The following RHEB variants were observed in gnomAD, a reference collection of about 807,000 sequenced individuals.
RHEB encodes the protein GTP-binding protein Rheb.
A neutral mutation model predicts 28.8 loss-of-function variants in RHEB; 2 were observed. The observed-to-expected ratio is 0.07, with a 90% CI of 0.03 to 0.22. RHEB has a LOEUF of 0.22. Ranked by LOEUF, RHEB falls within the 10% of genes least tolerant of loss-of-function variation. The pLI, the probability that RHEB is intolerant of heterozygous loss-of-function variation, is 1.00. For missense variants in RHEB, 76 were observed against 219.9 expected, an observed-to-expected ratio of 0.35 and a Z score of 4.14; for synonymous variants, 69 against 77.3, an observed-to-expected ratio of 0.89 and a Z score of 0.56.
chr7:151,515,004 A>C (rs941144021), intron 1 of RHEB, among the ~76,000 whole-genome samples: 1 of 151,762 alleles, frequency 6.6e-6, no homozygotes, highest in Non-Finnish European at 1.5e-5. Flanking sequence ...GCTCCACTGC[A>C]CTCCAGCCTG....
chr7:151,483,960 T>A (rs570659571), intron 3 of RHEB, among the ~76,000 whole-genome samples: 2 of 152,316 alleles, frequency 1.3e-5, no homozygotes, highest in Admixed American at 6.5e-5. Context: ...TTAACCGACA[T>A]GTGAATATCC....
chr7:151,489,330 A>G (rs554768907), intron 2 of RHEB, among the ~76,000 whole-genome samples: 1 of 152,194 alleles, frequency 6.6e-6, no homozygotes, highest in African/African-American at 2.4e-5. Context: ...TTCATCCAGC[A>G]CTCACATTAA....
chr7:151,484,873 A>G (rs1440369995), intron 2 of RHEB, 69 bp from the exon 3 acceptor site: 9 of 1,023,248 alleles, frequency 8.8e-6, no homozygotes, highest in East Asian at 2.4e-5. Flanking sequence ...AGTTTGAACA[A>G]TGACAACCAA....
intron 1 of RHEB, among the ~76,000 whole-genome samples, chr7:151,506,389 A>C (rs1802880553): frequency 6.6e-6 from 1 of 152,042 alleles, no homozygotes; most frequent in African/African-American, 2.4e-5. Context: ...GATGGTGGTT[A>C]TTAGCTATGT....
chr7:151,467,500 C>G (rs958940317), intron 7 of RHEB, among the ~76,000 whole-genome samples: 2 of 140,178 alleles, frequency 1.4e-5, no homozygotes, highest in African/African-American at 5.4e-5. Flanking sequence ...CATCTCCTGT[C>G]CCACTCCACC....
chr7:151,492,805 CA>C (rs1418015907), intron 1 of RHEB, among the ~76,000 whole-genome samples: 3 of 151,338 alleles, frequency 2.0e-5, no homozygotes, highest in South Asian at 2.1e-4. Context: ...TCTCTGCTTC[CA>C]ATCCTCATTG....
rs570682707 is a variant in RHEB, at chr7:151,483,701, ACT to A, written c.192+1034_192+1035del. 6.6e-5 allele frequency among the ~76,000 whole-genome samples: 10 copies of A among 151,950 alleles called. No homozygotes were observed. The East Asian group carries it at 1.2e-3, about 18-fold the overall frequency. On this transcript the variant is annotated intron_variant, in intron 3 of 7. Transcript: ENST00000262187. ...CTTCCAGCCTGGGTGACAGAGCAAGACTCTGTCTCAAAAAAATGTTGCAAGGG... is the reference window on the plus strand; with the variant it reads ...CTTCCAGCCTGGGTGACAGAGCAAGACTGTCTCAAAAAAATGTTGCAAGGG...
chr7:151,483,274 A>AGAGG (rs1802410111), intron 3 of RHEB, among the ~76,000 whole-genome samples: 1 of 152,366 alleles, frequency 6.6e-6, no homozygotes, highest in Non-Finnish European at 1.5e-5. Context: ...AATGCAAAGC[A>AGAGG]GAGGGAATTC....
rs189517204 is a variant in RHEB at position 151,483,549 on chromosome 7, C to T, written c.192+1188G>A. Among the ~76,000 whole-genome samples, 13 of 152,244 alleles carry T rather than the reference C, an allele frequency of 8.5e-5. No individual in the cohort carries two copies. The East Asian group carries it at 2.3e-3, about 27-fold the overall frequency. Reference sequence around the variant, plus strand: ...GCCAGGCCAATATGGCGAAACCCCGCCTCTACTAAAAATACAAAATTAGCC... The same window carrying T: ...GCCAGGCCAATATGGCGAAACCCCGTCTCTACTAAAAATACAAAATTAGCC... On this transcript the variant is annotated intron_variant, in intron 3 of 7. Transcript: ENST00000262187.
At chr7:151,500,317 A>T (rs1416414956) in intron 1 of RHEB, among the ~76,000 whole-genome samples, 1 of 152,196 alleles carries the variant, frequency 6.6e-6, no homozygotes, top group Non-Finnish European at 1.5e-5. Context: ...TTAATCTCTA[A>T]GAAAAAAATA....
At chr7:151,493,622 A>G (rs1226280757) in intron 1 of RHEB, among the ~76,000 whole-genome samples, 1 of 152,236 alleles carries the variant, frequency 6.6e-6, no homozygotes, top group Non-Finnish European at 1.5e-5. Context: ...AATTTTATAC[A>G]AATGAAATAC....
intron 3 of RHEB, among the ~76,000 whole-genome samples, chr7:151,477,988 T>C (rs1376778724): frequency 6.6e-6 from 1 of 151,858 alleles, no homozygotes; most frequent in Non-Finnish European, 1.5e-5. Context: ...AAACACCAGG[T>C]TCAATTGAGG....
chr7:151,518,625 GACCCTAAGCC>G (rs1803123859), intron 1 of RHEB, among the ~76,000 whole-genome samples: 1 of 151,986 alleles, frequency 6.6e-6, no homozygotes, highest in Non-Finnish European at 1.5e-5. Context: ...CCCCCAACCC[GACCCTAAGCC>G]ACCTTATTCA....
chr7:151,518,451 C>A (rs1228487446), intron 1 of RHEB, among the ~76,000 whole-genome samples: 2 of 152,124 alleles, frequency 1.3e-5, no homozygotes, highest in African/African-American at 2.4e-5. Context: ...CGGTGCACGC[C>A]TTCTATAGAC....
In RHEB at chr7:151,516,972, G is replaced by A. The variant is rs554234423; in HGVS notation, c.52+2488C>T. Reference sequence around the variant, plus strand: ...TGAGCATGCTGAGTAATTCTCAAAAGGGTGGCTTACTAGAAGAAACCTGCT... The same window carrying A: ...TGAGCATGCTGAGTAATTCTCAAAAAGGTGGCTTACTAGAAGAAACCTGCT... On this transcript the variant is annotated intron_variant, in intron 1 of 7. Coordinates refer to ENST00000262187, the MANE Select transcript of RHEB (RefSeq NM_005614.4). Among the ~76,000 whole-genome samples the A allele has an allele frequency of 5.9e-5, 9 of 152,264 alleles. No homozygotes were observed. The East Asian group carries it at 1.4e-3, about 23-fold the overall frequency.
intron 2 of RHEB, among the ~76,000 whole-genome samples, chr7:151,488,411 T>C (rs1802522020): frequency 6.6e-6 from 1 of 152,212 alleles, no homozygotes; most frequent in Non-Finnish European, 1.5e-5. Flanking sequence ...AAATAACTAC[T>C]AAATTATTTC....
At chr7:151,497,532 C>T (rs1000687256) in intron 1 of RHEB, among the ~76,000 whole-genome samples, 5 of 152,308 alleles carry the variant, frequency 3.3e-5, no homozygotes, top group African/African-American at 9.6e-5. Flanking sequence ...TAAAGGACAC[C>T]TACTATGGGC....
At chr7:151,508,092 TC>T (rs1361917991) in intron 1 of RHEB, among the ~76,000 whole-genome samples, 1 of 152,212 alleles carries the variant, frequency 6.6e-6, no homozygotes, top group Non-Finnish European at 1.5e-5. Context: ...GAATGAGTTT[TC>T]CTAGAACGGT....
chr7:151,516,939 CCCAGA>C lies in RHEB; in HGVS notation c.52+2516_52+2520del, dbSNP rs571641884. On this transcript the variant is annotated intron_variant, in intron 1 of 7. Coordinates refer to ENST00000262187, the MANE Select transcript of RHEB (RefSeq NM_005614.4). The stretch of plus-strand genomic sequence containing the variant: ...TTGCAAGCAAACATGCCAGTAAGCT[CCCAGA>C]AGTGAGCATGCTGAGTAATTCTCAA... 2.0e-3 allele frequency among the ~76,000 whole-genome samples: 309 copies of C among 152,248 alleles called. 1 individual carries two copies. Among genetic ancestry groups the C allele is most frequent in the African/African-American group, 7.2e-3 (300 of 41,526 alleles).
Sources: gnomAD v4.1 joint callset for allele counts (sites outside exome capture counted in the v4.1 genomes callset) on GRCh38, gnomAD v4.1.1 for gene constraint, MANE v1.5 for transcripts, NCBI Gene and HGNC (gene_info 2026-07-23, HGNC 2026-07-21) for gene names.